OSBP2: variants seen among roughly 807,000 people sequenced by gnomAD.
OSBP2 encodes the protein oxysterol binding protein 2.
Under a neutral mutation model 96.0 loss-of-function variants are expected in OSBP2, and 66 were observed. The ratio of observed to expected loss-of-function variants is 0.69; its 90% CI spans 0.56 to 0.84. The LOEUF (loss-of-function observed/expected upper bound fraction) is 0.84, where lower values mean the gene tolerates loss of function less well. Among genes scored for constraint, OSBP2 ranks in the 40% least tolerant of loss-of-function variants. The pLI, the probability that OSBP2 is intolerant of heterozygous loss-of-function variation, is 0.00. For synonymous variants in OSBP2, 525 were observed against 520.9 expected, an observed-to-expected ratio of 1.01 and a Z score of -0.11; for missense variants, 1,038 against 1,222.7, an observed-to-expected ratio of 0.85 and a Z score of 2.25.
At chr22:30,822,038 C>T (rs966725127) in intron 2 of OSBP2, among the ~76,000 whole-genome samples, 1 of 152,232 alleles carries the variant, frequency 6.6e-6, no homozygotes, top group Non-Finnish European at 1.5e-5. Context: ...GGGGCCCTGC[C>T]TGTTGCCTTC....
At chr22:30,830,065 T>C (rs2038489825) in intron 2 of OSBP2, among the ~76,000 whole-genome samples, 1 of 152,162 alleles carries the variant, frequency 6.6e-6, no homozygotes. Context: ...TACATCTTCT[T>C]CTGACCTCAT....
chr22:30,822,722 C>A (rs1436591637), intron 2 of OSBP2: 8 of 1,519,214 alleles, frequency 5.3e-6, no homozygotes, highest in East Asian at 5.0e-5. Context: ...TAGTGCTTGC[C>A]GGGCTTCCAC....
At chr22:30,717,413 A>G (rs893093352) in intron 1 of OSBP2, among the ~76,000 whole-genome samples, 2 of 152,110 alleles carry the variant, frequency 1.3e-5, no homozygotes, top group African/African-American at 4.8e-5. Context: ...AGATCATTTG[A>G]CACAGGGAAA....
At chr22:30,799,694 T>C (rs1394129851) in intron 2 of OSBP2, among the ~76,000 whole-genome samples, 1 of 152,232 alleles carries the variant, frequency 6.6e-6, no homozygotes, top group Admixed American at 6.5e-5. Context: ...AAATGCCTTT[T>C]TCATTCTGCA....
At chr22:30,785,366 T>C (rs2090571942) in intron 2 of OSBP2, among the ~76,000 whole-genome samples, 1 of 151,852 alleles carries the variant, frequency 6.6e-6, no homozygotes, top group African/African-American at 2.4e-5. Flanking sequence ...GTCGGCAGTT[T>C]GAGACCAGCC....
At chr22:30,719,929 T>C (rs2089521993) in intron 1 of OSBP2, among the ~76,000 whole-genome samples, 4 of 152,292 alleles carry the variant, frequency 2.6e-5, no homozygotes, top group Admixed American at 2.0e-4. Context: ...TCTCTGTTCA[T>C]TGACTTCTTC....
At chr22:30,694,486 G>T, upstream of OSBP2, 1 of 1,116,730 alleles carries the variant, frequency 9.0e-7, no homozygotes. Flanking sequence ...ACCCCAGCCT[G>T]GGTTGGGGGA....
chr22:30,850,112 G>A (rs2038950562), intron 2 of OSBP2, among the ~76,000 whole-genome samples: 1 of 152,088 alleles, frequency 6.6e-6, no homozygotes, highest in South Asian at 2.1e-4. Flanking sequence ...AGTCCAGCCT[G>A]GCCAACATGG....
In OSBP2 at chr22:30,890,576, TG is replaced by T; in HGVS notation, c.1624-147del. 3 of 789,778 alleles carry T rather than the reference TG, an allele frequency of 3.8e-6. No homozygotes were observed. Among genetic ancestry groups the T allele is most frequent in the Non-Finnish European group, 6.0e-6 (3 of 497,336 alleles). 48.9% of individuals were successfully genotyped at this position (789,778 alleles called of 1,614,324 possible). A position where few individuals can be genotyped will look rare whatever the true frequency, so the allele number is the denominator to read the frequency against. On this transcript the variant is annotated intron_variant, in intron 7 of 13. Transcript: ENST00000332585. This position sits in a 1 kb window ranked among gnomAD's most constrained non-coding sequence, Gnocchi z 4.4. Reference sequence around the variant, plus strand: ...AGGAGGGGCCAGGGAGGTGATGGCTTGGGGGCCACACTGTTGGACAGGGCCA... The same window carrying T: ...AGGAGGGGCCAGGGAGGTGATGGCTTGGGGCCACACTGTTGGACAGGGCCA...
At chr22:30,902,661 C>T in intron 12 of OSBP2, 5 of 585,990 alleles carry the variant, frequency 8.5e-6, no homozygotes, top group South Asian at 8.5e-5. Flanking sequence ...GCACAAAGAC[C>T]ACGACTCCAG....
At chr22:30,782,533 C>T (rs546951743) in intron 2 of OSBP2, among the ~76,000 whole-genome samples, 1 of 152,304 alleles carries the variant, frequency 6.6e-6, no homozygotes, top group African/African-American at 2.4e-5. Flanking sequence ...TGCAAGTACT[C>T]TAGTTGGCTT....
At chr22:30,761,077 G>A (rs2090199544) in intron 2 of OSBP2, among the ~76,000 whole-genome samples, 1 of 152,112 alleles carries the variant, frequency 6.6e-6, no homozygotes, top group South Asian at 2.1e-4. Context: ...GGATGTCCAT[G>A]CTCACCCCTC....
At chr22:30,876,692 G>A (rs1365854829) in intron 3 of OSBP2, among the ~76,000 whole-genome samples, 1 of 152,170 alleles carries the variant, frequency 6.6e-6, no homozygotes, top group Non-Finnish European at 1.5e-5. Flanking sequence ...CTGCCAGTGG[G>A]GAGCCAGGAT....
At chr22:30,813,273 A>G (rs184318505) in intron 2 of OSBP2, among the ~76,000 whole-genome samples, 100 of 145,188 alleles carry the variant, frequency 6.9e-4, no homozygotes, top group Middle Eastern at 3.7e-3. Flanking sequence ...TCTCGGATTC[A>G]AGTGATTCTC....
chr22:30,799,428 AG>A (rs2090819913), intron 2 of OSBP2, among the ~76,000 whole-genome samples: 1 of 152,214 alleles, frequency 6.6e-6, no homozygotes. Context: ...CCAGCCTGCA[AG>A]GGTTTGTTTC....
intron 1 of OSBP2, among the ~76,000 whole-genome samples, chr22:30,733,771 G>T (rs2089813873): frequency 6.6e-6 from 1 of 152,194 alleles, no homozygotes; most frequent in Non-Finnish European, 1.5e-5. Context: ...TGGAATCCTT[G>T]ACAGAGGTGA....
intron 1 of OSBP2, among the ~76,000 whole-genome samples, chr22:30,733,952 C>G (rs991868173): frequency 2.6e-5 from 4 of 152,018 alleles, no homozygotes; most frequent in Non-Finnish European, 5.9e-5. Context: ...CAAAACATGT[C>G]TCCTTAAAAG....
At chr22:30,899,598 T>C (rs2040152356) in intron 12 of OSBP2, among the ~76,000 whole-genome samples, 1 of 152,062 alleles carries the variant, frequency 6.6e-6, no homozygotes, top group Non-Finnish European at 1.5e-5. Context: ...TTCCAGATCA[T>C]AGAAAAAGGA....
intron 2 of OSBP2, among the ~76,000 whole-genome samples, chr22:30,848,987 C>G (rs992731114): frequency 1.3e-5 from 2 of 152,142 alleles, no homozygotes; most frequent in Admixed American, 1.3e-4. Flanking sequence ...AAATTGCCAG[C>G]TGGGTGCAGT....
Sources: gnomAD v4.1 joint callset for allele counts (sites outside exome capture counted in the v4.1 genomes callset) on GRCh38, gnomAD v4.1.1 for gene constraint, Gnocchi (gnomAD v3.1) non-coding constraint, MANE v1.5 for transcripts, NCBI Gene and HGNC (gene_info 2026-07-23, HGNC 2026-07-21) for gene names.